Variants in DLGAP2 observed in about 807,000 individuals in gnomAD.
DLGAP2 encodes the protein disks large-associated protein 2.
DLGAP2 carries 26 observed loss-of-function variants against 100.3 expected under a neutral mutation model. That is an observed-to-expected ratio of 0.26 (90% CI 0.19 to 0.36). The LOEUF (loss-of-function observed/expected upper bound fraction) is 0.36. DLGAP2 is among the 10% of genes least tolerant of loss of function. DLGAP2 has a pLI of 1.00. For missense variants in DLGAP2, 1,858 were observed against 1,453.2 expected, an observed-to-expected ratio of 1.28 and a Z score of -4.53; for synonymous variants, 886 against 630.1, an observed-to-expected ratio of 1.41 and a Z score of -6.08.
chr8:1,250,625 C>A (rs1799018757), intron 2 of DLGAP2: 1 of 152,100 alleles, frequency 6.6e-6, no homozygotes, highest in African/African-American at 2.4e-5. Flanking sequence ...AGACGCGTTC[C>A]CTCCCTGTCT....
chr8:879,074 G>T (rs1797736503), intron 1 of DLGAP2, among the ~76,000 whole-genome samples: 1 of 152,170 alleles, frequency 6.6e-6, no homozygotes, highest in Non-Finnish European at 1.5e-5. Context: ...AAAGCAACTT[G>T]ATTACATTAT....
intron 1 of DLGAP2, among the ~76,000 whole-genome samples, chr8:849,112 A>C (rs543422748): frequency 6.6e-6 from 1 of 150,596 alleles, no homozygotes; most frequent in Non-Finnish European, 1.5e-5. Flanking sequence ...AGGAATGTGC[A>C]GTGTCTGTTC....
chr8:886,316 A>G (rs111710121), intron 1 of DLGAP2, among the ~76,000 whole-genome samples: 2 of 152,074 alleles, frequency 1.3e-5, no homozygotes, highest in East Asian at 3.8e-4. Flanking sequence ...ATTTTTTTCA[A>G]AAAACAGCTC....
At chr8:931,389 T>G in intron 2 of DLGAP2, among the ~76,000 whole-genome samples, 1 of 152,260 alleles carries the variant, frequency 6.6e-6, no homozygotes, top group Non-Finnish European at 1.5e-5. Flanking sequence ...CTCTCCCGCC[T>G]CCTGGCTCTG....
intron 2 of DLGAP2, among the ~76,000 whole-genome samples, chr8:1,157,964 A>G (rs531023291): frequency 6.6e-6 from 1 of 152,228 alleles, no homozygotes; most frequent in Non-Finnish European, 1.5e-5. Flanking sequence ...CAAGAGTATC[A>G]GGAGTTATAC....
intron 12 of DLGAP2, chr8:1,688,329 T>TA (rs1799166533): frequency 6.6e-6 from 1 of 152,256 alleles, no homozygotes; most frequent in Non-Finnish European, 1.5e-5. Context: ...GCCCCGGTGT[T>TA]AAGATGCCCG....
intron 1 of DLGAP2, among the ~76,000 whole-genome samples, chr8:829,001 G>A (rs914606464): frequency 6.6e-6 from 1 of 152,082 alleles, no homozygotes; most frequent in African/African-American, 2.4e-5. Context: ...TTAGGGTTTG[G>A]GAATGGCTTC....
intron 6 of DLGAP2, among the ~76,000 whole-genome samples, chr8:1,605,600 T>G (rs1259205673): frequency 6.6e-6 from 1 of 152,100 alleles, no homozygotes; most frequent in African/African-American, 2.4e-5. Flanking sequence ...ATCAAAGACT[T>G]TTATACCCTG....
At chr8:843,002 G>A (rs1053237431) in intron 1 of DLGAP2, among the ~76,000 whole-genome samples, 2 of 152,166 alleles carry the variant, frequency 1.3e-5, no homozygotes, top group Non-Finnish European at 2.9e-5. Context: ...CTCTCTGGCG[G>A]GCTTTCGCTC....
chr8:1,563,165 G>A (rs866974396), intron 5 of DLGAP2, among the ~76,000 whole-genome samples: 14 of 48,658 alleles, frequency 2.9e-4, no homozygotes, highest in Admixed American at 9.0e-4. Context: ...TCCGCGCCTC[G>A]TTACTGGGGG....
intron 8 of DLGAP2, among the ~76,000 whole-genome samples, chr8:1,643,489 A>C (rs539983902): frequency 6.8e-4 from 11 of 16,246 alleles, no homozygotes; most frequent in Middle Eastern, 0.062. Flanking sequence ...TCACCCTCGA[A>C]CCCGCCGGTC....
At chr8:1,131,684 C>T (rs1489601911) in intron 2 of DLGAP2, among the ~76,000 whole-genome samples, 17 of 150,890 alleles carry the variant, frequency 1.1e-4, no homozygotes, top group Non-Finnish European at 1.8e-4. Context: ...TTGCCGGACG[C>T]GGCTGCTGTT....
intron 13 of DLGAP2, among the ~76,000 whole-genome samples, chr8:1,694,783 C>T (rs545006621): frequency 5.9e-5 from 9 of 152,192 alleles, no homozygotes; most frequent in South Asian, 2.1e-4. Flanking sequence ...ATTTAAAAGA[C>T]GGCAATTTCA....
At chr8:796,460 G>A (rs1474388521) in intron 1 of DLGAP2, among the ~76,000 whole-genome samples, 1 of 152,048 alleles carries the variant, frequency 6.6e-6, no homozygotes, top group Non-Finnish European at 1.5e-5. Context: ...GTAAAATCTT[G>A]GTAACATCTG....
chr8:1,011,487 G>A (rs1430934637), intron 2 of DLGAP2, among the ~76,000 whole-genome samples: 34 of 118,388 alleles, frequency 2.9e-4, no homozygotes, highest in Middle Eastern at 6.7e-3. Flanking sequence ...CTGCACAGTG[G>A]GCCCTGGAAT....
chr8:850,735 A>G (rs2128987595), intron 1 of DLGAP2, among the ~76,000 whole-genome samples: 1 of 152,318 alleles, frequency 6.6e-6, no homozygotes, highest in Non-Finnish European at 1.5e-5. Context: ...ATGTTGCGAA[A>G]CTATCTGGCT....
chr8:1,488,556 A>C (rs1448050061), intron 3 of DLGAP2, among the ~76,000 whole-genome samples: 1 of 152,168 alleles, frequency 6.6e-6, no homozygotes, highest in Non-Finnish European at 1.5e-5. Flanking sequence ...AGGTAGCCCG[A>C]GGTGGGCTGC....
intron 8 of DLGAP2, among the ~76,000 whole-genome samples, chr8:1,660,975 G>A (rs1304356869): frequency 3.3e-5 from 5 of 152,152 alleles, no homozygotes; most frequent in East Asian, 1.9e-4. Flanking sequence ...TGCTGGAACC[G>A]GAATCTTGCA....
chr8:1,224,488 A>G (rs543768956), intron 2 of DLGAP2, among the ~76,000 whole-genome samples: 83 of 152,324 alleles, frequency 5.4e-4, no homozygotes, highest in Non-Finnish European at 9.4e-4. Context: ...TCTCAAAACT[A>G]TTGTGTGAAA....
Sources: allele counts gnomAD v4.1 joint callset (sites outside exome capture counted in the v4.1 genomes callset), GRCh38; gene constraint gnomAD v4.1.1; transcripts MANE v1.5; gene names NCBI Gene and HGNC (gene_info 2026-07-23, HGNC 2026-07-21).